APPBP2: variants seen among roughly 807,000 people sequenced by gnomAD.
The protein encoded by APPBP2 is amyloid protein-binding protein 2.
In APPBP2, 15 loss-of-function variants were observed where a neutral mutation model predicts 76.0. That is an observed-to-expected ratio of 0.20 (90% confidence interval 0.13 to 0.30). The LOEUF (loss-of-function observed/expected upper bound fraction) is 0.30, where lower values mean the gene tolerates loss of function less well. Ranked by LOEUF, APPBP2 falls within the 10% of genes least tolerant of loss-of-function variation. The pLI is 1.00. For missense variants in APPBP2, 401 were observed against 687.2 expected, an observed-to-expected ratio of 0.58 and a Z score of 4.66; for synonymous variants, 222 against 242.2, an observed-to-expected ratio of 0.92 and a Z score of 0.77.
At chr17:60,448,300 T>C (rs969947630) in intron 12 of APPBP2, among the ~76,000 whole-genome samples, 6 of 152,216 alleles carry the variant, frequency 3.9e-5, no homozygotes, top group South Asian at 2.1e-4. Flanking sequence ...CCGTCTCTAC[T>C]AAAAATACAA....
intron 10 of APPBP2, among the ~76,000 whole-genome samples, chr17:60,455,793 C>CTTTTTTCTTTTTTTTTTTTTTTTTTTT (rs375591405): frequency 6.6e-6 from 1 of 151,162 alleles, no homozygotes; most frequent in African/African-American, 2.5e-5. Context: ...ATTTTTTTTT[C>CTTTTTTCTTTTTTTTTTTTTTTTTTTT]TTGAGACAGA....
At chr17:60,515,049 C>A (rs1034583728) in intron 1 of APPBP2, among the ~76,000 whole-genome samples, 1 of 151,840 alleles carries the variant, frequency 6.6e-6, no homozygotes, top group Non-Finnish European at 1.5e-5. Flanking sequence ...AGTAATCCAC[C>A]CACCTCGGCC....
chr17:60,494,100 CAA>C (rs149382268), intron 3 of APPBP2, among the ~76,000 whole-genome samples: 146 of 152,272 alleles, frequency 9.6e-4, no homozygotes, highest in African/African-American at 3.1e-3. Flanking sequence ...GTAAGCAGGT[CAA>C]AGAGGCTGGT....
intron 3 of APPBP2, among the ~76,000 whole-genome samples, chr17:60,487,339 G>A (rs972061732): frequency 2.6e-4 from 40 of 152,096 alleles, no homozygotes; most frequent in African/African-American, 8.2e-4. Context: ...CCAATCAAAC[G>A]TAGATTTGGT....
chr17:60,518,464 A>G (rs1027312735), intron 1 of APPBP2, among the ~76,000 whole-genome samples: 8 of 144,942 alleles, frequency 5.5e-5, no homozygotes, highest in Admixed American at 2.0e-4. Flanking sequence ...TCGGCCTCTC[A>G]AAGTGCTGGG....
rs1469970583 is a variant in APPBP2 at position 60,517,202 on chromosome 17, C to T, written c.138+8592G>A. On this transcript the variant is annotated intron_variant, in intron 1 of 12. Coordinates refer to ENST00000083182, the MANE Select transcript of APPBP2 (RefSeq NM_006380.5). ...ATGTTGGCCAGGCTGGTCTTGAACT[C>T]CTGACCTCAGGTGATCCCCTGCCTT... is the stretch of plus-strand genomic sequence containing the variant. Among the ~76,000 whole-genome samples the T allele has an allele frequency of 3.3e-5, 5 of 152,104 alleles. No homozygotes were observed. In the East Asian group the frequency reaches 7.7e-4, roughly 23 times the overall value.
At chr17:60,525,772 A>C (rs1567946610) in intron 1 of APPBP2, 22 bp downstream of exon 1, 2 of 1,612,572 alleles carry the variant, frequency 1.2e-6, no homozygotes, top group African/African-American at 2.7e-5. Flanking sequence ...AGGAGAGCAG[A>C]GAGGAGGCCC....
chr17:60,503,895 C>T (rs566909334), intron 1 of APPBP2, among the ~76,000 whole-genome samples: 5 of 130,558 alleles, frequency 3.8e-5, no homozygotes, highest in Non-Finnish European at 7.4e-5. Flanking sequence ...AGGAATCTTA[C>T]CCAGGCAGTC....
chr17:60,457,710 G>A (rs540819924), intron 9 of APPBP2, among the ~76,000 whole-genome samples: 7 of 152,324 alleles, frequency 4.6e-5, no homozygotes, highest in African/African-American at 1.2e-4. Context: ...GAGTACAGGC[G>A]TGGGCCACCA....
In APPBP2 at chr17:60,500,384, T is replaced by C. The variant is rs769360648; in HGVS notation, c.227+15A>G. The C allele has an allele frequency of 4.8e-5, 75 of 1,547,088 alleles. No homozygotes were observed. The highest frequency in any genetic ancestry group is 6.6e-5 in the Non-Finnish European group (75 of 1,135,808). On this transcript the variant is annotated intron_variant, in intron 2 of 12. Transcript: ENST00000083182. ...ATGTTATGTATATTTTACAATTTTTTAAAAAAGAATTTACCTTTTATCCAA... is the reference window on the plus strand; with the variant it reads ...ATGTTATGTATATTTTACAATTTTTCAAAAAAGAATTTACCTTTTATCCAA...
chr17:60,484,311 C>A (rs1736093491), intron 3 of APPBP2, among the ~76,000 whole-genome samples: 1 of 151,812 alleles, frequency 6.6e-6, no homozygotes, highest in Non-Finnish European at 1.5e-5. Flanking sequence ...CTATAAATTA[C>A]CTTGCACAGT....
chr17:60,515,804 G>C (rs7214631), intron 1 of APPBP2, among the ~76,000 whole-genome samples: 31,707 of 152,202 alleles, frequency 0.21, 10,975 homozygotes, highest in African/African-American at 0.72. Flanking sequence ...CTTTCAATGA[G>C]ATCTTTATGA....
At chr17:60,508,067 G>A (rs1381850297) in intron 1 of APPBP2, among the ~76,000 whole-genome samples, 1 of 151,848 alleles carries the variant, frequency 6.6e-6, no homozygotes, top group African/African-American at 2.4e-5. Flanking sequence ...CCGCTTCCTG[G>A]GCTCAAGCGA....
At chr17:60,522,873 T>A (rs2117530) in intron 1 of APPBP2, among the ~76,000 whole-genome samples, 126,954 of 149,202 alleles carry the variant, frequency 0.85, 55,520 homozygotes, top group East Asian at 0.99. Flanking sequence ...TTTTTTTTTT[T>A]AAAAAAAAGA....
intron 4 of APPBP2, among the ~76,000 whole-genome samples, chr17:60,473,813 C>T (rs961602744): frequency 6.6e-6 from 1 of 152,188 alleles, no homozygotes; most frequent in African/African-American, 2.4e-5. Flanking sequence ...TTCATCATCA[C>T]CATAGTTATT....
At chr17:60,452,983 T>C (rs957598916) in intron 11 of APPBP2, among the ~76,000 whole-genome samples, 3 of 152,162 alleles carry the variant, frequency 2.0e-5, no homozygotes, top group African/African-American at 7.2e-5. Context: ...AAGTTAGTCA[T>C]ATTTATTGCT....
chr17:60,459,497 T>C (rs2090459977), intron 9 of APPBP2: 1 of 148,622 alleles, frequency 6.7e-6, no homozygotes, highest in African/African-American at 2.5e-5. Context: ...CCCTTTTTTT[T>C]TTTTTTTTTT....
intron 5 of APPBP2, 116 bp from the exon 6 acceptor site, chr17:60,464,226 T>C (rs2090495115): frequency 1.4e-6 from 1 of 696,178 alleles, no homozygotes; most frequent in Non-Finnish European, 2.5e-6. Context: ...ACACAAAATA[T>C]TTACAGTTAG....
At chr17:60,503,870 T>C (rs1371135844) in intron 1 of APPBP2, among the ~76,000 whole-genome samples, 2 of 151,792 alleles carry the variant, frequency 1.3e-5, no homozygotes, top group East Asian at 3.8e-4. Context: ...ATCATATAAT[T>C]AGGATGGGCA....
Sources: gnomAD v4.1 joint callset for allele counts (sites outside exome capture counted in the v4.1 genomes callset) on GRCh38, gnomAD v4.1.1 for gene constraint, MANE v1.5 for transcripts, NCBI Gene and HGNC (gene_info 2026-07-23, HGNC 2026-07-21) for gene names.